Variants in TRAPPC9 observed in about 807,000 individuals in gnomAD.
TRAPPC9 encodes IKK2 binding protein.
A neutral mutation model predicts 124.0 loss-of-function variants in TRAPPC9; 83 were observed. The ratio of observed to expected loss-of-function variants is 0.67; its 90% CI spans 0.56 to 0.80. The LOEUF is 0.80. Ranked by LOEUF, TRAPPC9 falls within the 30% of genes least tolerant of loss-of-function variation. The pLI is 0.00. For synonymous variants in TRAPPC9, 638 were observed against 617.5 expected, an observed-to-expected ratio of 1.03 and a Z score of -0.49; for missense variants, 1,302 against 1,508.3, an observed-to-expected ratio of 0.86 and a Z score of 2.27.
chr8:139,752,928 C>T (rs956287450), intron 21 of TRAPPC9, among the ~76,000 whole-genome samples: 2 of 144,662 alleles, frequency 1.4e-5, no homozygotes, highest in African/African-American at 2.7e-5. Context: ...CCAGCATCTA[C>T]CCATGCATCC....
chr8:140,458,194 G>A (rs953864510), upstream of TRAPPC9: 33 of 1,549,348 alleles, frequency 2.1e-5, no homozygotes, highest in Non-Finnish European at 2.8e-5. Context: ...GGAGGGACCG[G>A]AGCAAGAGAA....
intron 15 of TRAPPC9, among the ~76,000 whole-genome samples, chr8:140,269,692 G>C (rs2064816563): frequency 6.6e-6 from 1 of 152,190 alleles, no homozygotes; most frequent in African/African-American, 2.4e-5. Context: ...GTAAGTGTTT[G>C]CTATAAAATT....
chr8:140,091,896 C>T (rs550737707), intron 17 of TRAPPC9, among the ~76,000 whole-genome samples: 1 of 152,276 alleles, frequency 6.6e-6, no homozygotes, highest in South Asian at 2.1e-4. Flanking sequence ...GCTTTCAAGA[C>T]CTTCTACAGT....
chr8:140,454,581 A>G (rs1186726257), intron 1 of TRAPPC9, among the ~76,000 whole-genome samples: 1 of 142,570 alleles, frequency 7.0e-6, no homozygotes, highest in East Asian at 2.1e-4. Flanking sequence ...TGGGGGTTGC[A>G]GTGAGCCGAG....
rs112025705 is a variant in TRAPPC9 at position 140,427,125 on chromosome 8, C to A, written c.860-484G>T. On this transcript the variant is annotated intron_variant, in intron 4 of 22. Coordinates refer to ENST00000438773, the MANE Select transcript of TRAPPC9 (RefSeq NM_001160372.4). Reference sequence around the variant, plus strand: ...TTTTTTTTTGTATTTTTAGTAGAGACGGGTTTCACCATGTTAGCCAGGCTG... The same window carrying A: ...TTTTTTTTTGTATTTTTAGTAGAGAAGGGTTTCACCATGTTAGCCAGGCTG... 1.7e-3 allele frequency among the ~76,000 whole-genome samples: 251 copies of A among 144,836 alleles called. 1 individual carries two copies. Among genetic ancestry groups the A allele is most frequent in the African/African-American group, 6.2e-3 (241 of 39,106 alleles).
intron 17 of TRAPPC9, among the ~76,000 whole-genome samples, chr8:140,214,062 C>T (rs906136393): frequency 3.3e-5 from 5 of 152,240 alleles, no homozygotes; most frequent in African/African-American, 1.2e-4. Context: ...CTTCAACAGG[C>T]AAAGCCATGG....
intron 7 of TRAPPC9, among the ~76,000 whole-genome samples, chr8:140,376,213 G>A (rs1042457701): frequency 4.6e-5 from 7 of 152,138 alleles, no homozygotes; most frequent in Non-Finnish European, 7.4e-5. Context: ...AATAAGACCT[G>A]GTCCCTCAAA....
intron 21 of TRAPPC9, among the ~76,000 whole-genome samples, chr8:139,828,819 C>G (rs1825796670): frequency 6.6e-6 from 1 of 152,196 alleles, no homozygotes; most frequent in Non-Finnish European, 1.5e-5. Context: ...ACGTCTGAAT[C>G]TCAGCATGAA....
chr8:139,842,415 A>T (rs1826787505), intron 21 of TRAPPC9, among the ~76,000 whole-genome samples: 1 of 152,228 alleles, frequency 6.6e-6, no homozygotes, highest in South Asian at 2.1e-4. Flanking sequence ...AGTGAACAGC[A>T]AGAGTTTCTA....
chr8:140,184,606 TTG>T (rs2062310347), intron 17 of TRAPPC9, among the ~76,000 whole-genome samples: 1 of 152,082 alleles, frequency 6.6e-6, no homozygotes, highest in African/African-American at 2.4e-5. Context: ...TGACTAATTT[TTG>T]TTTTGTTTTG....
chr8:139,852,707 C>A (rs1316958939), intron 21 of TRAPPC9, among the ~76,000 whole-genome samples: 1 of 152,218 alleles, frequency 6.6e-6, no homozygotes, highest in Non-Finnish European at 1.5e-5. Flanking sequence ...TCCATTTTCT[C>A]CCTCTGGGCT....
At chr8:140,388,901 A>C (rs1004003521) in intron 7 of TRAPPC9, among the ~76,000 whole-genome samples, 9 of 151,476 alleles carry the variant, frequency 5.9e-5, no homozygotes, top group Non-Finnish European at 1.3e-4. Flanking sequence ...ACATGGATGA[A>C]CCATGAAAAC....
intron 21 of TRAPPC9, among the ~76,000 whole-genome samples, chr8:139,868,579 A>C (rs1008989830): frequency 6.6e-5 from 10 of 152,252 alleles, no homozygotes; most frequent in Middle Eastern, 3.4e-3. Flanking sequence ...TATTGGGAAA[A>C]ACGTGAATTT....
chr8:140,039,441 G>T (rs1275470685), intron 17 of TRAPPC9, among the ~76,000 whole-genome samples: 2 of 152,168 alleles, frequency 1.3e-5, no homozygotes, highest in African/African-American at 2.4e-5. Context: ...CGCCTCCCTG[G>T]ATTGTGTGAT....
chr8:139,890,299 C>T (rs1286939911), intron 20 of TRAPPC9, among the ~76,000 whole-genome samples: 1 of 152,246 alleles, frequency 6.6e-6, no homozygotes, highest in Non-Finnish European at 1.5e-5. Context: ...CTCTCCGTTC[C>T]GAGCACCCCA....
In TRAPPC9 at chr8:140,252,708, C is replaced by CT; in HGVS notation, c.2431+68_2431+69insA. The CT allele has an allele frequency of 6.3e-7, 1 of 1,580,772 alleles. No individual in the cohort carries two copies. Among genetic ancestry groups the CT allele is most frequent in the Non-Finnish European group, 8.6e-7 (1 of 1,159,410 alleles). ...GTTACAAACAGCAAACAGCAGGCAT[C>CT]AAGGGATGGGGGTTGCTACACAGTA... On this transcript the variant is annotated intron_variant, in intron 16 of 22. Transcript: ENST00000438773. This position sits in a 1 kb window ranked among gnomAD's most constrained non-coding sequence, Gnocchi z 4.2.
At chr8:140,108,505 A>G (rs1471185207) in intron 17 of TRAPPC9, among the ~76,000 whole-genome samples, 1 of 152,208 alleles carries the variant, frequency 6.6e-6, no homozygotes, top group Admixed American at 6.5e-5. Flanking sequence ...GGTAGCACAA[A>G]GCTCCCGCTC....
chr8:140,393,471 T>C (rs1163612957), intron 7 of TRAPPC9, among the ~76,000 whole-genome samples: 1 of 152,208 alleles, frequency 6.6e-6, no homozygotes, highest in Admixed American at 6.5e-5. Context: ...TTATCTTAGA[T>C]AGATAATTAT....
chr8:139,886,069 C>G (rs1001923393), intron 20 of TRAPPC9, 100 bp from the exon 21 acceptor site: 21 of 1,075,440 alleles, frequency 2.0e-5, no homozygotes, highest in African/African-American at 6.3e-5. Flanking sequence ...AAACCTCCTA[C>G]AGCAGATGTC....
Sources: gnomAD v4.1 joint callset for allele counts (sites outside exome capture counted in the v4.1 genomes callset) on GRCh38, gnomAD v4.1.1 for gene constraint, Gnocchi (gnomAD v3.1) non-coding constraint, MANE v1.5 for transcripts, NCBI Gene and HGNC (gene_info 2026-07-23, HGNC 2026-07-21) for gene names.